CDC37: variants seen among roughly 807,000 people sequenced by gnomAD.
The protein encoded by CDC37 is cell division cycle 37, HSP90 cochaperone.
Under a neutral mutation model 46.9 loss-of-function variants are expected in CDC37, and 9 were observed. That is an observed-to-expected ratio of 0.19 (90% confidence interval 0.12 to 0.33). CDC37 has a LOEUF of 0.33. Ranked by LOEUF, CDC37 falls within the 10% of genes least tolerant of loss-of-function variation. The pLI is 1.00. For missense variants in CDC37, 388 were observed against 514.6 expected, an observed-to-expected ratio of 0.75 and a Z score of 2.38; for synonymous variants, 193 against 191.0, an observed-to-expected ratio of 1.01 and a Z score of -0.09.
In CDC37 at chr19:10,395,421, C is replaced by CA. The variant is rs2042482438; in HGVS notation, c.487+13dup. On this transcript the variant is annotated intron_variant, in intron 3 of 7. Transcript: ENST00000222005. Reference sequence around the variant, plus strand: ...CCTCGACCTTGCCCCCCATAACCCACAAGCCCCACTCACCAAAGTGCTTGA... The same window carrying CA: ...CCTCGACCTTGCCCCCCATAACCCACAAAGCCCCACTCACCAAAGTGCTTGA... The CA allele has an allele frequency of 1.2e-6, 2 of 1,611,640 alleles. No individual in the cohort carries two copies.
chr19:10,393,221 G>A lies in CDC37; in HGVS notation c.909+38C>T. On this transcript the variant is annotated intron_variant, in intron 6 of 7. Transcript: ENST00000222005. This position sits in a 1 kb window ranked among gnomAD's most constrained non-coding sequence, Gnocchi z 4.9. The stretch of plus-strand genomic sequence containing the variant: ...CTGTGGCCCTGGGGGGTCCCGCTCA[G>A]GGTCTTCCTGCTGCCCGCCTGGGCC... 4.3e-6 allele frequency: 7 copies of A among 1,612,950 alleles called. No individual in the cohort carries two copies. The highest frequency in any genetic ancestry group is 5.9e-6 in the Non-Finnish European group (7 of 1,179,306).
chr19:10,391,764 C>T (rs2042458663), intron 7 of CDC37, 58 bp from the exon 8 acceptor site: 3 of 1,573,012 alleles, frequency 1.9e-6, no homozygotes, highest in Admixed American at 3.6e-5. Flanking sequence ...CCCCGTTGTC[C>T]CCGTTGTCCC....
rs547152260 is a variant in CDC37, at chr19:10,393,534, G to A, written c.727-93C>T. 16 of 1,318,394 alleles carry A rather than the reference G, an allele frequency of 1.2e-5. No homozygotes were observed. The highest frequency in any genetic ancestry group is 1.5e-5 in the Non-Finnish European group (15 of 969,514). 81.7% of individuals were successfully genotyped at this position (1,318,394 alleles called of 1,614,324 possible). A position where few individuals can be genotyped will look rare whatever the true frequency, so the allele number is the denominator to read the frequency against. On this transcript the variant is annotated intron_variant, in intron 5 of 7. Coordinates refer to ENST00000222005, the MANE Select transcript of CDC37 (RefSeq NM_007065.4). This position sits in a 1 kb window ranked among gnomAD's most constrained non-coding sequence, Gnocchi z 4.9. ...CCTCCAGCCACAGCTCCTCAGAGGC[G>A]CCCCACGGTTCCCCAAGTCTATTCC... is the stretch of plus-strand genomic sequence containing the variant.
chr19:10,395,380 G>A (rs975254816), intron 3 of CDC37, 37 bp from the exon 4 acceptor site: 14 of 1,602,140 alleles, frequency 8.7e-6, no homozygotes, highest in Non-Finnish European at 1.2e-5. Flanking sequence ...GGAGGGCCCT[G>A]GAGGCAAAGG....
At position 10,398,711 on chromosome 19, in the gene CDC37, G is replaced by A. The variant is rs1349503525; in HGVS notation, c.103-2508C>T. 6.6e-6 allele frequency among the ~76,000 whole-genome samples: 1 copy of A among 152,122 alleles called. No homozygotes were observed. The highest frequency in any genetic ancestry group is 1.5e-5 in the Non-Finnish European group (1 of 68,026). ...GAGAACAATCTCTCTCTCTCTCTGG[G>A]GACCACTCTGGGGCCTCAAAAAGGA... On this transcript the variant is annotated intron_variant, in intron 1 of 7. Transcript: ENST00000222005. This position sits in a 1 kb window ranked among gnomAD's most constrained non-coding sequence, Gnocchi z 4.2.
rs1022101507 is a variant in CDC37, at chr19:10,393,334, G to T, written c.834C>A (p.Tyr278Ter). The T allele has an allele frequency of 6.2e-7, 1 of 1,613,922 alleles. No homozygotes were observed. The highest frequency in any genetic ancestry group is 8.5e-7 in the Non-Finnish European group (1 of 1,179,946). ...KLRIEKAMKE[Y>*]EEEERKKRLG... ...GCCGCTTCTTGCGCTCCTCCTCCTC[G>T]TACTCCTTCATGGCCTTCTCGATGC... Residue 278 changes from tyrosine to a stop codon, truncating the protein, a stop_gained, in exon 6 of 8, where the codon TAC (tyrosine) becomes TAA (stop). Transcript: ENST00000222005. LOFTEE classifies it high-confidence loss of function. This position sits in a 1 kb window ranked among gnomAD's most constrained non-coding sequence, Gnocchi z 4.9.
Position 10,391,449 on chromosome 19 carries a change from G to A in CDC37, c.*102C>T, listed in dbSNP as rs897216238. 100 of 1,443,836 alleles carry A rather than the reference G, an allele frequency of 6.9e-5. No individual in the cohort carries two copies. Among genetic ancestry groups the A allele is most frequent in the Non-Finnish European group, 9.1e-5 (94 of 1,029,650 alleles). 89.4% of individuals were successfully genotyped at this position (1,443,836 alleles called of 1,614,324 possible). ...GGCCCCCCAGGCTGGGCCGAGCAGC[G>A]CAAGTAGAGGAAGTCAGGAGCGGGC... On this transcript the variant is annotated 3_prime_UTR_variant, in exon 8 of 8. Coordinates refer to ENST00000222005, the MANE Select transcript of CDC37 (RefSeq NM_007065.4).
chr19:10,403,263 G>T, intron 1 of CDC37, 115 bp downstream of exon 1: 1 of 761,848 alleles, frequency 1.3e-6, no homozygotes, highest in Non-Finnish European at 2.2e-6. Context: ...TGAAAATCCA[G>T]ACTGGGGGGG....
intron 1 of CDC37, among the ~76,000 whole-genome samples, chr19:10,402,214 G>A (rs1250610976): frequency 6.7e-6 from 1 of 150,356 alleles, no homozygotes; most frequent in Non-Finnish European, 1.5e-5. Context: ...TGTAATGCAG[G>A]CACACTCATT....
At chr19:10,403,182 G>T (rs991469624) in intron 1 of CDC37, among the ~76,000 whole-genome samples, 196 bp downstream of exon 1, 1 of 152,098 alleles carries the variant, frequency 6.6e-6, no homozygotes, top group African/African-American at 2.4e-5. Context: ...CAGGGAGTGG[G>T]GGAGCGGAGA....
rs377292857 is a variant in CDC37 at position 10,395,917 on chromosome 19, G to A, written c.378+11C>T. On this transcript the variant is annotated intron_variant, in intron 2 of 7. Transcript: ENST00000222005. ...CGCATGCGCACTGCCCGCCCCGCCC[G>A]CCCCGCACACCTTGCTGAAGCCGTC... 193 of 410,584 alleles carry A rather than the reference G, an allele frequency of 4.7e-4. No individual in the cohort carries two copies. Among genetic ancestry groups the A allele is most frequent in the Non-Finnish European group, 8.0e-4 (184 of 230,142 alleles). The allele number at this position is 410,584 out of a possible 1,614,324, so 25.4% of individuals were successfully genotyped here. A position where few individuals can be genotyped will look rare whatever the true frequency, so the allele number is the denominator to read the frequency against.
Position 10,398,734 on chromosome 19 carries a change from G to T in CDC37, c.103-2531C>A, listed in dbSNP as rs1393247944. On this transcript the variant is annotated intron_variant, in intron 1 of 7. Transcript: ENST00000222005. This position sits in a 1 kb window ranked among gnomAD's most constrained non-coding sequence, Gnocchi z 4.2. ...GGGGACCACTCTGGGGCCTCAAAAAGGAAATGTCCTTCAAATGCTTAGTTT... is the reference window on the plus strand; with the variant it reads ...GGGGACCACTCTGGGGCCTCAAAAATGAAATGTCCTTCAAATGCTTAGTTT... Among the ~76,000 whole-genome samples, 3 of 152,178 alleles carry T rather than the reference G, an allele frequency of 2.0e-5. No individual in the cohort carries two copies. In the East Asian group the frequency reaches 5.8e-4, roughly 29 times the overall value.
intron 1 of CDC37, among the ~76,000 whole-genome samples, chr19:10,402,806 C>T (rs971009540): frequency 6.6e-6 from 1 of 152,094 alleles, no homozygotes; most frequent in Non-Finnish European, 1.5e-5. Flanking sequence ...TGGGTGTGGG[C>T]AGGGACAGGA....
rs527791975 is a variant in CDC37, at chr19:10,396,691, C to A, written c.103-488G>T. On this transcript the variant is annotated intron_variant, in intron 1 of 7. Coordinates refer to ENST00000222005, the MANE Select transcript of CDC37 (RefSeq NM_007065.4). The surrounding 1 kb of genome is among the most constrained non-coding windows in gnomAD (Gnocchi z 5.9). ...GCTCAGGCGATCCTCCCACCTCAGT[C>A]TCCCAAGTAGCTGGGACTACAGGTG... 6.6e-6 allele frequency among the ~76,000 whole-genome samples: 1 copy of A among 152,272 alleles called. No individual in the cohort carries two copies. The highest frequency in any genetic ancestry group is 2.1e-4 in the South Asian group (1 of 4,824).
In CDC37 at chr19:10,392,960, A is replaced by AC. The variant is rs1463343126; in HGVS notation, c.981+125dup. The AC allele has an allele frequency of 3.1e-5, 24 of 784,290 alleles. 1 individual carries two copies. The highest frequency in any genetic ancestry group is 4.1e-5 in the Admixed American group (2 of 49,256). 48.6% of individuals were successfully genotyped at this position (784,290 alleles called of 1,614,324 possible). ...TGTGGGTGTGTGCCAAGGTGACACG[A>AC]CCCCCCTTACTCCTTGGAGAAGCCT... On this transcript the variant is annotated intron_variant, in intron 7 of 7. Transcript: ENST00000222005.
At chr19:10,403,334 G>T in intron 1 of CDC37, 44 bp downstream of exon 1, 1 of 1,449,286 alleles carries the variant, frequency 6.9e-7, no homozygotes, top group Non-Finnish European at 9.6e-7. Context: ...CAACTCCGAA[G>T]CGGGGTCCGG....
In CDC37 at chr19:10,393,039, G is replaced by GA. The variant is rs1328267816; in HGVS notation, c.981+46dup. 5 of 1,530,614 alleles carry GA rather than the reference G, an allele frequency of 3.3e-6. No homozygotes were observed. Among genetic ancestry groups the GA allele is most frequent in the Admixed American group, 1.7e-5 (1 of 59,898 alleles). The allele number at this position is 1,530,614 out of a possible 1,614,324, so 94.8% of individuals were successfully genotyped here. A position where few individuals can be genotyped will look rare whatever the true frequency, so the allele number is the denominator to read the frequency against. Reference sequence around the variant, plus strand: ...AGAGACTTGGGACACAGGGCTGGGGGAGACACACGGCCCGCCGGGAAGGCA... The same window carrying GA: ...AGAGACTTGGGACACAGGGCTGGGGGAAGACACACGGCCCGCCGGGAAGGCA... On this transcript the variant is annotated intron_variant, in intron 7 of 7. Coordinates refer to ENST00000222005, the MANE Select transcript of CDC37 (RefSeq NM_007065.4). This position sits in a 1 kb window ranked among gnomAD's most constrained non-coding sequence, Gnocchi z 4.9.
intron 2 of CDC37, 122 bp downstream of exon 2, chr19:10,395,806 C>T (rs566837383): frequency 1.9e-6 from 2 of 1,067,352 alleles, no homozygotes; most frequent in Non-Finnish European, 2.7e-6. Context: ...CCCCGCCCCC[C>T]ACCACACTCT....
At position 10,393,484 on chromosome 19, in the gene CDC37, C is replaced by T; in HGVS notation, c.727-43G>A. 6.4e-7 allele frequency: 1 copy of T among 1,570,930 alleles called. No homozygotes were observed. Among genetic ancestry groups the T allele is most frequent in the Non-Finnish European group, 8.6e-7 (1 of 1,158,920 alleles). On this transcript the variant is annotated intron_variant, in intron 5 of 7. Transcript: ENST00000222005. This position sits in a 1 kb window ranked among gnomAD's most constrained non-coding sequence, Gnocchi z 4.9. ...TGCTCACTGGACCTGGCCCAACGCT[C>T]AGGAGGGACTGGGGGGCCCAGGACC...
Sources: gnomAD v4.1 joint callset for allele counts (sites outside exome capture counted in the v4.1 genomes callset) on GRCh38, gnomAD v4.1.1 for gene constraint, Gnocchi (gnomAD v3.1) non-coding constraint, MANE v1.5 for transcripts, NCBI Gene and HGNC (gene_info 2026-07-23, HGNC 2026-07-21) for gene names.